EYA1: variants seen among roughly 807,000 people sequenced by gnomAD.
EYA1 encodes the protein EYA transcriptional coactivator and phosphatase 1, also known as protein phosphatase EYA1.
EYA1 carries 16 observed loss-of-function variants against 82.0 expected under a neutral mutation model. The observed-to-expected ratio is 0.20, with a 90% confidence interval of 0.13 to 0.30. EYA1 has a LOEUF of 0.30. Ranked by LOEUF, EYA1 falls within the 10% of genes least tolerant of loss-of-function variation. EYA1 has a pLI of 1.00. For synonymous variants in EYA1, 261 were observed against 264.4 expected, an observed-to-expected ratio of 0.99 and a Z score of 0.12; for missense variants, 633 against 730.7, an observed-to-expected ratio of 0.87 and a Z score of 1.54.
chr8:71,459,508 T>C (rs892329760), intron 2 of EYA1, among the ~76,000 whole-genome samples: 1 of 152,208 alleles, frequency 6.6e-6, no homozygotes, highest in Non-Finnish European at 1.5e-5. Flanking sequence ...TTGCTTCTCT[T>C]GTCTCCATGT....
In EYA1 at chr8:71,256,094, C is replaced by T. The variant is rs182737342; in HGVS notation, c.1051-11402G>A. Among the ~76,000 whole-genome samples the T allele has an allele frequency of 5.3e-5, 8 of 152,190 alleles. No individual in the cohort carries two copies. The East Asian group carries it at 1.5e-3, about 29-fold the overall frequency. On this transcript the variant is annotated intron_variant, in intron 11 of 17. Coordinates refer to ENST00000340726, the MANE Select transcript of EYA1 (RefSeq NM_000503.6). ...TGAGGATGTGGAGAAATTGGAATCC[C>T]TGTGCACAGCTGGTGGGAACATAAA...
rs141992531 is a variant in EYA1, at chr8:71,287,972, C to G, written c.826+11075G>C. Among the ~76,000 whole-genome samples, 54 of 152,286 alleles carry G rather than the reference C, an allele frequency of 3.5e-4. 1 individual carries two copies. The East Asian group carries it at 8.3e-3, about 23-fold the overall frequency. On this transcript the variant is annotated intron_variant, in intron 9 of 17. Coordinates refer to ENST00000340726, the MANE Select transcript of EYA1 (RefSeq NM_000503.6). The stretch of plus-strand genomic sequence containing the variant: ...CACAGAGAAATAATACACCAAGGAG[C>G]TAAGTGGCCTTCCCAAGTGAGTGAC...
intron 9 of EYA1, among the ~76,000 whole-genome samples, chr8:71,286,788 A>G (rs1431415981): frequency 7.3e-6 from 1 of 137,326 alleles, no homozygotes; most frequent in Non-Finnish European, 1.5e-5. Context: ...TGATAATTTC[A>G]TATTGGTAGT....
chr8:71,512,713 A>G (rs1812691944), intron 2 of EYA1, among the ~76,000 whole-genome samples: 1 of 152,108 alleles, frequency 6.6e-6, no homozygotes, highest in South Asian at 2.1e-4. Flanking sequence ...AATGAAACAG[A>G]CCAAAATTTT....
At chr8:71,252,518 T>C (rs895650822) in intron 11 of EYA1, among the ~76,000 whole-genome samples, 7 of 152,098 alleles carry the variant, frequency 4.6e-5, no homozygotes, top group Non-Finnish European at 8.8e-5. Flanking sequence ...GGTGACCATA[T>C]TTTTAAGAGC....
intron 3 of EYA1, among the ~76,000 whole-genome samples, chr8:71,347,688 C>A (rs1825878653): frequency 6.6e-6 from 1 of 152,072 alleles, no homozygotes; most frequent in African/African-American, 2.4e-5. Flanking sequence ...AAAAAGGATT[C>A]TTTCCACTTA....
chr8:71,308,809 A>G (rs1437489738), intron 7 of EYA1, among the ~76,000 whole-genome samples: 1 of 152,022 alleles, frequency 6.6e-6, no homozygotes, highest in Non-Finnish European at 1.5e-5. Context: ...AGCCAACATA[A>G]GAATGCTGGA....
At chr8:71,283,989 C>T (rs113395355) in intron 9 of EYA1, among the ~76,000 whole-genome samples, 2,170 of 152,312 alleles carry the variant, frequency 0.014, 44 homozygotes, top group African/African-American at 0.049. Context: ...TGAACCCAGG[C>T]CTGTCTTCTC....
At chr8:71,419,108 G>A (rs184455574) in intron 2 of EYA1, among the ~76,000 whole-genome samples, 1 of 152,224 alleles carries the variant, frequency 6.6e-6, no homozygotes, top group East Asian at 1.9e-4. Flanking sequence ...ACTCTGCAGA[G>A]TAAAATAAAG....
intron 2 of EYA1, among the ~76,000 whole-genome samples, chr8:71,456,630 C>G (rs1807942674): frequency 6.6e-6 from 1 of 151,424 alleles, no homozygotes; most frequent in Admixed American, 6.6e-5. Context: ...TGATCTTTGA[C>G]AAACCTGAAA....
At chr8:71,282,942 T>TTTG in intron 9 of EYA1, among the ~76,000 whole-genome samples, 1 of 151,752 alleles carries the variant, frequency 6.6e-6, no homozygotes, top group South Asian at 2.1e-4. Context: ...CACCTTGTTT[T>TTTG]TTTTTTTTTT....
At chr8:71,451,309 A>C (rs534297151) in intron 2 of EYA1, among the ~76,000 whole-genome samples, 178 of 152,350 alleles carry the variant, frequency 1.2e-3, no homozygotes, top group Non-Finnish European at 2.1e-3. Context: ...ATATAAACAG[A>C]AGAATATTTT....
chr8:71,543,408 T>G (rs1424063688), intron 1 of EYA1, among the ~76,000 whole-genome samples: 1 of 152,180 alleles, frequency 6.6e-6, no homozygotes, highest in Admixed American at 6.5e-5. Context: ...CAAAATTCAT[T>G]GAGCTGTAAG....
chr8:71,247,567 A>G (rs2128909867), intron 11 of EYA1, among the ~76,000 whole-genome samples: 1 of 152,290 alleles, frequency 6.6e-6, no homozygotes, highest in Middle Eastern at 3.4e-3. Flanking sequence ...TCCCTTTTTA[A>G]TACACCTGAA....
chr8:71,260,854 A>G (rs1349037186), intron 11 of EYA1, among the ~76,000 whole-genome samples: 3 of 152,162 alleles, frequency 2.0e-5, no homozygotes, highest in African/African-American at 7.2e-5. Context: ...ATCAAGGACA[A>G]ATCTTTGGGC....
In EYA1 at chr8:71,332,672, C is replaced by G. The variant is rs193188603; in HGVS notation, c.202+1425G>C. Among the ~76,000 whole-genome samples the G allele has an allele frequency of 3.0e-3, 459 of 152,248 alleles. 1 individual carries two copies. The highest frequency in any genetic ancestry group is 5.7e-3 in the Non-Finnish European group (388 of 68,020). On this transcript the variant is annotated intron_variant, in intron 4 of 17. Coordinates refer to ENST00000340726, the MANE Select transcript of EYA1 (RefSeq NM_000503.6). The stretch of plus-strand genomic sequence containing the variant: ...CCATAATTCTGTCCTATGAATATGA[C>G]CATGCGACCCCTTTCCTTTGATGCC...
intron 1 of EYA1, among the ~76,000 whole-genome samples, chr8:71,541,538 T>A (rs76562029): frequency 0.1 from 15,753 of 152,216 alleles, 2,768 homozygotes; most frequent in African/African-American, 0.36. Flanking sequence ...TTGAATTCAA[T>A]CTATATTTTC....
intron 2 of EYA1, among the ~76,000 whole-genome samples, chr8:71,393,178 C>G (rs1829376153): frequency 6.6e-6 from 1 of 152,094 alleles, no homozygotes. Flanking sequence ...GCACTAAGCA[C>G]TTTGTTGATA....
At chr8:71,229,524 A>G (rs764935137) in intron 12 of EYA1, among the ~76,000 whole-genome samples, 5 of 152,326 alleles carry the variant, frequency 3.3e-5, no homozygotes, top group Non-Finnish European at 5.9e-5. Context: ...ACACATAGAT[A>G]TCATGGACTG....
Sources: allele counts gnomAD v4.1 joint callset (sites outside exome capture counted in the v4.1 genomes callset), GRCh38; gene constraint gnomAD v4.1.1; transcripts MANE v1.5; gene names NCBI Gene and HGNC (gene_info 2026-07-23, HGNC 2026-07-21).